The following ARL15 variants were observed in gnomAD, a reference collection of about 807,000 sequenced individuals.
ARL15 encodes the protein ADP-ribosylation factor-like protein 15.
In ARL15, 19 loss-of-function variants were observed where a neutral mutation model predicts 25.2. That is an observed-to-expected ratio of 0.75 (90% CI 0.53 to 1.10). The LOEUF is 1.10. Ranked by LOEUF, ARL15 falls within the 50% of genes least tolerant of loss-of-function variation. The pLI, the probability that ARL15 is intolerant of heterozygous loss-of-function variation, is 0.00. For missense variants in ARL15, 220 were observed against 246.0 expected (o/e 0.89, Z 0.71); for synonymous variants, 94 against 86.8 (o/e 1.08, Z -0.46).
chr5:54,255,608 C>T (rs184501858), intron 1 of ARL15, among the ~76,000 whole-genome samples: 1 of 152,136 alleles, frequency 6.6e-6, no homozygotes, highest in Non-Finnish European at 1.5e-5. Context: ...AATCCAAAAT[C>T]TGAAACGCTC....
At chr5:54,047,565 A>G (rs1750562001) in intron 4 of ARL15, among the ~76,000 whole-genome samples, 1 of 152,234 alleles carries the variant, frequency 6.6e-6, no homozygotes, top group South Asian at 2.1e-4. Context: ...CCGGAGGTAG[A>G]GTACTGACAG....
intron 1 of ARL15, among the ~76,000 whole-genome samples, chr5:54,302,599 T>A (rs911331821): frequency 6.6e-5 from 10 of 151,894 alleles, no homozygotes; most frequent in African/African-American, 2.4e-4. Context: ...AGCCATGTAT[T>A]TAGCGCTAGA....
At chr5:54,025,419 T>TA (rs1421429260) in intron 4 of ARL15, among the ~76,000 whole-genome samples, 1 of 152,196 alleles carries the variant, frequency 6.6e-6, no homozygotes, top group Admixed American at 6.5e-5. Flanking sequence ...TTCAATTTCT[T>TA]AAAATTAATT....
At chr5:54,280,581 A>G (rs1758029102) in intron 1 of ARL15, among the ~76,000 whole-genome samples, 1 of 152,232 alleles carries the variant, frequency 6.6e-6, no homozygotes, top group African/African-American at 2.4e-5. Context: ...CAAACACAAG[A>G]TAGACTCCCT....
At chr5:54,227,942 C>T (rs1288966032) in intron 1 of ARL15, among the ~76,000 whole-genome samples, 1 of 152,060 alleles carries the variant, frequency 6.6e-6, no homozygotes, top group Non-Finnish European at 1.5e-5. Context: ...AGAGACTGGA[C>T]TGGCAGAAGC....
intron 4 of ARL15, among the ~76,000 whole-genome samples, chr5:53,952,160 G>C (rs1035075399): frequency 6.6e-6 from 1 of 152,094 alleles, no homozygotes; most frequent in African/African-American, 2.4e-5. Context: ...CTACTCGGGA[G>C]GCTAAGGCAG....
chr5:54,177,283 C>T (rs1394460504), intron 1 of ARL15, among the ~76,000 whole-genome samples: 1 of 152,140 alleles, frequency 6.6e-6, no homozygotes, highest in African/African-American at 2.4e-5. Flanking sequence ...AGGGCAAAGA[C>T]CAGAATCACC....
At chr5:53,939,021 T>C (rs567479860) in intron 4 of ARL15, among the ~76,000 whole-genome samples, 29 of 152,302 alleles carry the variant, frequency 1.9e-4, no homozygotes, top group Admixed American at 2.6e-4. Context: ...CAACAAACAA[T>C]CCATCACTTC....
rs1029315180 is a variant in ARL15 at position 54,097,679 on chromosome 5, G to T, written c.462+15523C>A. ...CTTGGTAACATGCTACCAGAACTTG[G>T]TTATTTTTTGGTAAGCCATCTTTTT... On this transcript the variant is annotated intron_variant, in intron 4 of 4. Coordinates refer to ENST00000504924, the MANE Select transcript of ARL15 (RefSeq NM_019087.3). Among the ~76,000 whole-genome samples the T allele has an allele frequency of 3.9e-5, 6 of 152,250 alleles. No individual in the cohort carries two copies. In the East Asian group the frequency reaches 1.2e-3, roughly 29 times the overall value.
At chr5:53,926,006 T>C (rs1186877337) in intron 4 of ARL15, among the ~76,000 whole-genome samples, 2 of 149,470 alleles carry the variant, frequency 1.3e-5, no homozygotes, top group African/African-American at 4.9e-5. Flanking sequence ...TCTTTTTTTT[T>C]TTTTTTTTTT....
rs114340176 is a variant in ARL15, at chr5:53,910,504, T to C, written c.463-23791A>G. Among the ~76,000 whole-genome samples, 427 of 151,840 alleles carry C rather than the reference T, an allele frequency of 2.8e-3. 2 individuals are homozygous for C. The highest frequency in any genetic ancestry group is 0.01 in the African/African-American group (418 of 41,400). ...CTCAATGTCTTCTATAGAAAACATC[T>C]TCTTAGAATTATGGTCTTAAATGAC... On this transcript the variant is annotated intron_variant, in intron 4 of 4. Transcript: ENST00000504924.
intron 4 of ARL15, among the ~76,000 whole-genome samples, chr5:53,963,706 G>C (rs1204249220): frequency 6.6e-6 from 1 of 151,916 alleles, no homozygotes. Context: ...TTCTCGGGAG[G>C]CTGAGGCAGG....
At chr5:53,962,540 G>T (rs369543248) in intron 4 of ARL15, among the ~76,000 whole-genome samples, 5 of 152,136 alleles carry the variant, frequency 3.3e-5, no homozygotes, top group African/African-American at 1.2e-4. Context: ...GTTTCATTTC[G>T]AAATCTATCT....
At position 53,936,875 on chromosome 5, in the gene ARL15, C is replaced by A. The variant is rs375457405; in HGVS notation, c.463-50162G>T. ...GTGCGATTTCCACCACCCTCTGCTA[C>A]CTATCATTTGCTTTACTTTAAAAAG... On this transcript the variant is annotated intron_variant, in intron 4 of 4. Transcript: ENST00000504924. Among the ~76,000 whole-genome samples, 5 of 152,184 alleles carry A rather than the reference C, an allele frequency of 3.3e-5. No homozygotes were observed. In the East Asian group the frequency reaches 5.8e-4, roughly 18 times the overall value.
intron 4 of ARL15, among the ~76,000 whole-genome samples, chr5:54,091,931 C>A (rs695905): frequency 0.46 from 70,021 of 151,836 alleles, 17,028 homozygotes; most frequent in East Asian, 0.85. Context: ...GGCTTGCCAG[C>A]CCTTGGCAGG....
chr5:54,284,341 G>A (rs1263355207), intron 1 of ARL15, among the ~76,000 whole-genome samples: 2 of 152,164 alleles, frequency 1.3e-5, no homozygotes, highest in Admixed American at 6.5e-5. Flanking sequence ...CTGAGCTCAA[G>A]TAATCCACCT....
At chr5:53,937,371 G>A (rs1045620384) in intron 4 of ARL15, among the ~76,000 whole-genome samples, 6 of 151,962 alleles carry the variant, frequency 3.9e-5, no homozygotes, top group Non-Finnish European at 5.9e-5. Flanking sequence ...ATTTACACTA[G>A]TTTTTCTTTG....
chr5:53,938,311 G>C (rs1316228546), intron 4 of ARL15, among the ~76,000 whole-genome samples: 1 of 151,672 alleles, frequency 6.6e-6, no homozygotes, highest in Non-Finnish European at 1.5e-5. Flanking sequence ...AGAATACTTA[G>C]TGAGCAATTA....
At chr5:54,281,400 T>C (rs1382449955) in intron 1 of ARL15, among the ~76,000 whole-genome samples, 1 of 152,234 alleles carries the variant, frequency 6.6e-6, no homozygotes, top group Non-Finnish European at 1.5e-5. Context: ...GTGCTGGGAT[T>C]ACAGGCGTGA....
Sources: gnomAD v4.1 joint callset for allele counts (sites outside exome capture counted in the v4.1 genomes callset) on GRCh38, gnomAD v4.1.1 for gene constraint, MANE v1.5 for transcripts, NCBI Gene and HGNC (gene_info 2026-07-23, HGNC 2026-07-21) for gene names.